Variants in GALNT2 observed in about 807,000 individuals in gnomAD.
GALNT2 encodes the protein UDP-GalNAc:polypeptide N-acetylgalactosaminyltransferase 2.
A neutral mutation model predicts 81.4 loss-of-function variants in GALNT2; 31 were observed. The ratio of observed to expected loss-of-function variants is 0.38; its 90% confidence interval spans 0.29 to 0.51. The LOEUF (loss-of-function observed/expected upper bound fraction) is 0.51. Ranked by LOEUF, GALNT2 falls within the 20% of genes least tolerant of loss-of-function variation. GALNT2 has a pLI of 0.87. For synonymous variants in GALNT2, 303 were observed against 287.4 expected, an observed-to-expected ratio of 1.05 and a Z score of -0.55; for missense variants, 629 against 765.7, an observed-to-expected ratio of 0.82 and a Z score of 2.11.
At chr1:230,277,326 G>T (rs2102785066) in intron 15 of GALNT2, among the ~76,000 whole-genome samples, 1 of 152,290 alleles carries the variant, frequency 6.6e-6, no homozygotes, top group East Asian at 1.9e-4. Flanking sequence ...GCGAGACGGA[G>T]CTGGGGTTTT....
chr1:230,129,457 A>G (rs865966843), intron 1 of GALNT2, among the ~76,000 whole-genome samples: 27 of 152,086 alleles, frequency 1.8e-4, no homozygotes, highest in Admixed American at 2.0e-4. Context: ...AGCTGTGACT[A>G]TAGGTGTTTG....
At chr1:230,123,558 C>T (rs887783869) in intron 1 of GALNT2, among the ~76,000 whole-genome samples, 3 of 152,122 alleles carry the variant, frequency 2.0e-5, no homozygotes, top group African/African-American at 7.2e-5. Context: ...GCTTTGGAGA[C>T]CTCTGAGAGC....
intron 14 of GALNT2, among the ~76,000 whole-genome samples, chr1:230,270,962 A>G (rs1666145963): frequency 1.3e-5 from 2 of 152,278 alleles, no homozygotes; most frequent in African/African-American, 4.8e-5. Flanking sequence ...TCTGCTTTAC[A>G]GTAATTAAGC....
At position 230,279,750 on chromosome 1, in the gene GALNT2, T is replaced by C; in HGVS notation, c.*292T>C. 3 of 520,698 alleles carry C rather than the reference T, an allele frequency of 5.8e-6. No homozygotes were observed. Among genetic ancestry groups the C allele is most frequent in the South Asian group, 5.2e-5 (3 of 58,144 alleles). The allele number at this position is 520,698 out of a possible 1,614,324, so 32.3% of individuals were successfully genotyped here. ...CACTTCTGCCGGCTCCGCAACTGAGTGACACCCAGCGACAACCGACTGGGG... is the reference window on the plus strand; with the variant it reads ...CACTTCTGCCGGCTCCGCAACTGAGCGACACCCAGCGACAACCGACTGGGG... On this transcript the variant is annotated 3_prime_UTR_variant, in exon 16 of 16. Transcript: ENST00000366672. This position sits in a 1 kb window ranked among gnomAD's most constrained non-coding sequence, Gnocchi z 4.6.
At chr1:230,209,663 G>A (rs150390544) in intron 3 of GALNT2, among the ~76,000 whole-genome samples, 42 of 152,262 alleles carry the variant, frequency 2.8e-4, no homozygotes, top group African/African-American at 9.4e-4. Flanking sequence ...GCAACATAGC[G>A]AAACCCCATC....
chr1:230,111,652 C>T (rs958228708), intron 1 of GALNT2, among the ~76,000 whole-genome samples: 7 of 152,232 alleles, frequency 4.6e-5, no homozygotes, highest in Admixed American at 4.6e-4. Flanking sequence ...TTTGCTGTTA[C>T]ACCTCTCACT....
At chr1:230,189,827 G>T (rs572220107) in intron 2 of GALNT2, among the ~76,000 whole-genome samples, 4 of 152,158 alleles carry the variant, frequency 2.6e-5, no homozygotes, top group Non-Finnish European at 4.4e-5. Context: ...CCTCTCCCAG[G>T]CCCTGGTATT....
chr1:230,281,959 A>G lies in GALNT2; in HGVS notation c.*2501A>G, dbSNP rs1386575393. On this transcript the variant is annotated 3_prime_UTR_variant, in exon 16 of 16. Coordinates refer to ENST00000366672, the MANE Select transcript of GALNT2 (RefSeq NM_004481.5). ...TCCTCATAAAAGCTCAGATGATGGTATCTGTGAGTATGTTTTGCAAATTCA... is the reference window on the plus strand; with the variant it reads ...TCCTCATAAAAGCTCAGATGATGGTGTCTGTGAGTATGTTTTGCAAATTCA... 1 of 152,262 alleles carries G rather than the reference A, an allele frequency of 6.6e-6. No individual in the cohort carries two copies. Among genetic ancestry groups the G allele is most frequent in the East Asian group, 1.9e-4 (1 of 5,188 alleles). 9.4% of individuals were successfully genotyped at this position (152,262 alleles called of 1,614,324 possible). A position where few individuals can be genotyped will look rare whatever the true frequency, so the allele number is the denominator to read the frequency against.
At chr1:230,088,998 G>C (rs1447967054) in intron 1 of GALNT2, among the ~76,000 whole-genome samples, 2 of 152,068 alleles carry the variant, frequency 1.3e-5, no homozygotes, top group Non-Finnish European at 2.9e-5. Flanking sequence ...ATTGACTCAA[G>C]CACTGTGTGT....
intron 1 of GALNT2, among the ~76,000 whole-genome samples, chr1:230,104,066 T>C (rs1660473461): frequency 6.6e-6 from 1 of 152,300 alleles, no homozygotes; most frequent in South Asian, 2.1e-4. Flanking sequence ...AGTCATGTGC[T>C]TCTGTTTGGT....
intron 1 of GALNT2, among the ~76,000 whole-genome samples, chr1:230,168,463 G>A (rs1000806518): frequency 6.6e-6 from 1 of 152,202 alleles, no homozygotes; most frequent in African/African-American, 2.4e-5. Flanking sequence ...CCCCGGAGCT[G>A]AGCTGATTAT....
chr1:230,130,541 C>G (rs1361386868), intron 1 of GALNT2, among the ~76,000 whole-genome samples: 2 of 152,170 alleles, frequency 1.3e-5, no homozygotes, highest in African/African-American at 4.8e-5. Context: ...TTGGGGTTTA[C>G]TAGGGAGTCA....
intron 1 of GALNT2, among the ~76,000 whole-genome samples, chr1:230,157,651 T>C (rs2102842974): frequency 6.6e-6 from 1 of 152,338 alleles, no homozygotes; most frequent in East Asian, 1.9e-4. Flanking sequence ...GGATACCTCC[T>C]GCAGTGGAAA....
At chr1:230,244,746 A>G (rs1261517682) in intron 7 of GALNT2, among the ~76,000 whole-genome samples, 1 of 152,124 alleles carries the variant, frequency 6.6e-6, no homozygotes, top group East Asian at 1.9e-4. Context: ...CTAGAACCAG[A>G]CTGAGCCAGG....
intron 1 of GALNT2, among the ~76,000 whole-genome samples, chr1:230,119,643 C>T (rs1030057994): frequency 1.2e-4 from 19 of 152,262 alleles, no homozygotes; most frequent in Middle Eastern, 3.4e-3. Context: ...GAACTCCCCC[C>T]ACCCCCACTA....
At chr1:230,273,051 A>G (rs552917566) in intron 14 of GALNT2, among the ~76,000 whole-genome samples, 1 of 152,262 alleles carries the variant, frequency 6.6e-6, no homozygotes, top group African/African-American at 2.4e-5. Context: ...GATTATAGAT[A>G]GGCCTGAGCC....
rs535563238 is a variant in GALNT2, at chr1:230,059,710, GT to G, written n.89+1634del. 4.6e-5 allele frequency among the ~76,000 whole-genome samples: 7 copies of G among 152,192 alleles called. 1 individual carries two copies. In the South Asian group the frequency reaches 1.5e-3, roughly 32 times the overall value. On this transcript the variant is annotated intron_variant and non_coding_transcript_variant, in intron 1 of 6. Transcript: ENST00000494106. ...AAACGATTTCAAACTTACCAAAAAA[GT>G]TGCAAAAATAGTGCAGAGAATTCAC...
intron 2 of GALNT2, among the ~76,000 whole-genome samples, chr1:230,178,597 A>T (rs1332218063): frequency 6.6e-6 from 1 of 152,184 alleles, no homozygotes; most frequent in Non-Finnish European, 1.5e-5. Flanking sequence ...TTTTTAATAG[A>T]CTTTATTTTT....
chr1:230,205,908 G>T (rs1664044796), intron 3 of GALNT2, among the ~76,000 whole-genome samples: 1 of 152,176 alleles, frequency 6.6e-6, no homozygotes, highest in African/African-American at 2.4e-5. Flanking sequence ...GAGGTGCCCG[G>T]AATGTTGATA....
Sources: gnomAD v4.1 joint callset for allele counts (sites outside exome capture counted in the v4.1 genomes callset) on GRCh38, gnomAD v4.1.1 for gene constraint, Gnocchi (gnomAD v3.1) non-coding constraint, MANE v1.5 for transcripts, NCBI Gene and HGNC (gene_info 2026-07-23, HGNC 2026-07-21) for gene names.